Variants in RIMBP2 observed in about 807,000 individuals in gnomAD.
RIMBP2 encodes the protein RIMS-binding protein 2.
Under a neutral mutation model 118.6 loss-of-function variants are expected in RIMBP2, and 48 were observed. That is an observed-to-expected ratio of 0.40 (90% CI 0.32 to 0.51). The LOEUF is 0.51. RIMBP2 is among the 20% of genes least tolerant of loss of function. The pLI is 0.41. For missense variants in RIMBP2, 1,551 were observed against 1,768.3 expected (o/e 0.88, Z 2.20); for synonymous variants, 762 against 742.9 (o/e 1.03, Z -0.42).
rs2058081612 is a variant in RIMBP2, at chr12:130,576,300, C to G, written c.-217+52022G>C. Among the ~76,000 whole-genome samples, 1 of 152,134 alleles carries G rather than the reference C, an allele frequency of 6.6e-6. No individual in the cohort carries two copies. Among genetic ancestry groups the G allele is most frequent in the African/African-American group, 2.4e-5 (1 of 41,434 alleles). Reference sequence around the variant, plus strand: ...CAAACAGGAACGGAGAGTTTCATGACCATAGACATGGGCATTTGCTTCCAA... The same window carrying G: ...CAAACAGGAACGGAGAGTTTCATGAGCATAGACATGGGCATTTGCTTCCAA... On this transcript the variant is annotated intron_variant, in intron 2 of 22. Transcript: ENST00000690449. The surrounding 1 kb of genome is among the most constrained non-coding windows in gnomAD (Gnocchi z 4.2).
intron 2 of RIMBP2, among the ~76,000 whole-genome samples, chr12:130,624,349 T>C (rs1299736953): frequency 6.6e-6 from 1 of 152,238 alleles, no homozygotes; most frequent in Admixed American, 6.5e-5. Flanking sequence ...AAATTTAGTA[T>C]GTAAGTAATG....
intron 1 of RIMBP2, among the ~76,000 whole-genome samples, chr12:130,687,493 A>C (rs999091716): frequency 6.6e-6 from 1 of 152,198 alleles, no homozygotes; most frequent in African/African-American, 2.4e-5. Flanking sequence ...AACTAAACAA[A>C]GAAGATGTGT....
chr12:130,524,543 G>T (rs1334792827), intron 2 of RIMBP2, among the ~76,000 whole-genome samples: 1 of 152,234 alleles, frequency 6.6e-6, no homozygotes, highest in Non-Finnish European at 1.5e-5. Flanking sequence ...AGGCAAGAAG[G>T]GTTGGGTGGC....
At chr12:130,466,190 T>C (rs1170732157) in intron 6 of RIMBP2, 1 of 152,250 alleles carries the variant, frequency 6.6e-6, no homozygotes, top group Admixed American at 6.5e-5. Context: ...CTCATTGTTT[T>C]CTTTTGCTTC....
intron 1 of RIMBP2, among the ~76,000 whole-genome samples, chr12:130,693,170 T>C (rs2065409035): frequency 6.6e-6 from 1 of 152,024 alleles, no homozygotes; most frequent in Non-Finnish European, 1.5e-5. Flanking sequence ...CTCGTCTGTC[T>C]CCCCACCGTG....
intron 14 of RIMBP2, chr12:130,428,632 G>T: frequency 3.8e-6 from 1 of 262,084 alleles, no homozygotes; most frequent in African/African-American, 2.2e-5. Context: ...TACAAGACAC[G>T]CGGGCAGAAT....
chr12:130,396,388 T>A lies in RIMBP2; in HGVS notation c.*973A>T, dbSNP rs2074078299. Reference sequence around the variant, plus strand: ...ATAAAGAGTAAAAACAATTTACAAGTGGACAAGAATTACAAAAGAGTAACC... The same window carrying A: ...ATAAAGAGTAAAAACAATTTACAAGAGGACAAGAATTACAAAAGAGTAACC... On this transcript the variant is annotated 3_prime_UTR_variant, in exon 23 of 23. Transcript: ENST00000690449. 6.5e-6 allele frequency: 1 copy of A among 152,758 alleles called. No individual in the cohort carries two copies. Among genetic ancestry groups the A allele is most frequent in the South Asian group, 2.1e-4 (1 of 4,832 alleles). The allele number at this position is 152,758 out of a possible 1,614,324, so 9.5% of individuals were successfully genotyped here.
At chr12:130,605,459 T>C (rs1301451726) in intron 2 of RIMBP2, among the ~76,000 whole-genome samples, 1 of 152,162 alleles carries the variant, frequency 6.6e-6, no homozygotes, top group Non-Finnish European at 1.5e-5. Context: ...AAAAATGTCC[T>C]GGGGATAACT....
intron 2 of RIMBP2, among the ~76,000 whole-genome samples, chr12:130,535,209 C>A (rs747345663): frequency 9.2e-5 from 14 of 151,954 alleles, no homozygotes; most frequent in Non-Finnish European, 1.6e-4. Context: ...GAAAAAAGAA[C>A]CTTAATCAGC....
chr12:130,606,707 T>TC (rs2060211087), intron 2 of RIMBP2, among the ~76,000 whole-genome samples: 1 of 152,170 alleles, frequency 6.6e-6, no homozygotes, highest in African/African-American at 2.4e-5. Flanking sequence ...TCCAGCCTCC[T>TC]CCTCACCTTC....
intron 1 of RIMBP2, among the ~76,000 whole-genome samples, chr12:130,713,993 G>A (rs1201567559): frequency 2.0e-5 from 3 of 152,198 alleles, no homozygotes; most frequent in African/African-American, 7.2e-5. Context: ...CGGATTCCCG[G>A]CTCCTCCCCA....
In RIMBP2 at chr12:130,428,183, A is replaced by G. The variant is rs375804042; in HGVS notation, c.2408T>C (p.Leu803Pro). ...CCCCCTTCCCCAGCCACTCACCTTGAGGGCATTGTGGGACGTGCCGCTGGG... is the reference window on the plus strand; with the variant it reads ...CCCCCTTCCCCAGCCACTCACCTTGGGGGCATTGTGGGACGTGCCGCTGGG... ...RRPSGTSHNA[L>P]KDCTDHRTSE... is the part of the protein sequence containing the mutation. Residue 803 changes from leucine (L) to proline (P), a missense_variant, in exon 15 of 23, where the codon CTC becomes CCC. By Grantham distance (98) the Leu-to-Pro change is moderately conservative. Transcript: ENST00000690449. The G allele has an allele frequency of 1.2e-6, 2 of 1,606,548 alleles. No homozygotes were observed. The highest frequency in any genetic ancestry group is 2.7e-5 in the African/African-American group (2 of 74,792).
chr12:130,625,473 C>G (rs76233438), intron 2 of RIMBP2, among the ~76,000 whole-genome samples: 6,209 of 152,260 alleles, frequency 0.041, 412 homozygotes, highest in African/African-American at 0.14. Flanking sequence ...GAGCTACTCT[C>G]AGAGAGCCTC....
At chr12:130,678,092 T>G (rs1211591318) in intron 1 of RIMBP2, among the ~76,000 whole-genome samples, 1 of 152,222 alleles carries the variant, frequency 6.6e-6, no homozygotes, top group Non-Finnish European at 1.5e-5. Flanking sequence ...AGAGCCCAGT[T>G]CTTTCCTTAT....
chr12:130,624,998 C>T (rs1283262749), intron 2 of RIMBP2, among the ~76,000 whole-genome samples: 3 of 152,216 alleles, frequency 2.0e-5, no homozygotes, highest in Non-Finnish European at 2.9e-5. Context: ...GCTGAGATTA[C>T]AGGCATGAGC....
chr12:130,458,914 C>T (rs775244271), intron 6 of RIMBP2, among the ~76,000 whole-genome samples: 9 of 151,712 alleles, frequency 5.9e-5, no homozygotes, highest in Non-Finnish European at 1.2e-4. Context: ...CAGGGAGACA[C>T]GCGCCTGTAG....
intron 2 of RIMBP2, among the ~76,000 whole-genome samples, chr12:130,602,677 A>G (rs1052853511): frequency 1.2e-4 from 18 of 152,240 alleles, no homozygotes; most frequent in African/African-American, 4.3e-4. Context: ...AACAGTCATT[A>G]AAGAATTGAA....
intron 21 of RIMBP2, among the ~76,000 whole-genome samples, chr12:130,400,648 C>T (rs1189140362): frequency 6.6e-6 from 1 of 152,150 alleles, no homozygotes; most frequent in Non-Finnish European, 1.5e-5. Context: ...GAGCCTACTA[C>T]ATCAAAACAC....
intron 1 of RIMBP2, among the ~76,000 whole-genome samples, chr12:130,657,585 C>T (rs1594156342): frequency 6.6e-6 from 1 of 152,208 alleles, no homozygotes; most frequent in Non-Finnish European, 1.5e-5. Context: ...CCGGCACCTC[C>T]GTCCAGGGCA....
Sources: allele counts gnomAD v4.1 joint callset (sites outside exome capture counted in the v4.1 genomes callset), GRCh38; gene constraint gnomAD v4.1.1; non-coding constraint Gnocchi (gnomAD v3.1); transcripts MANE v1.5; gene names NCBI Gene and HGNC (gene_info 2026-07-23, HGNC 2026-07-21).